RBFOX1: variants seen among roughly 807,000 people sequenced by gnomAD.
RBFOX1 encodes RNA binding protein fox-1 homolog 1.
In RBFOX1, 8 loss-of-function variants were observed where a neutral mutation model predicts 57.7. The observed-to-expected ratio is 0.14, with a 90% CI of 0.08 to 0.25. The LOEUF (loss-of-function observed/expected upper bound fraction) is 0.25. Among genes scored for constraint, RBFOX1 ranks in the 10% least tolerant of loss-of-function variants. The pLI, the probability that RBFOX1 is intolerant of heterozygous loss-of-function variation, is 1.00. For missense variants in RBFOX1, 611 were observed against 548.5 expected, an observed-to-expected ratio of 1.11 and a Z score of -1.14; for synonymous variants, 326 against 222.4, an observed-to-expected ratio of 1.47 and a Z score of -4.15.
chr16:5,865,238 A>T (rs2057318786), intron 3 of RBFOX1, among the ~76,000 whole-genome samples: 1 of 152,182 alleles, frequency 6.6e-6, no homozygotes, highest in African/African-American at 2.4e-5. Context: ...GCAGAGAAAT[A>T]CACACATTCA....
chr16:7,266,231 T>A (rs1326369766), intron 4 of RBFOX1, among the ~76,000 whole-genome samples: 1 of 151,970 alleles, frequency 6.6e-6, no homozygotes, highest in Non-Finnish European at 1.5e-5. Context: ...CGCCTCGGCC[T>A]CCCAAAGTGC....
At chr16:7,013,859 T>G (rs187743985) in intron 3 of RBFOX1, among the ~76,000 whole-genome samples, 1 of 152,240 alleles carries the variant, frequency 6.6e-6, no homozygotes, top group African/African-American at 2.4e-5. Context: ...GGTCTCACCA[T>G]GTTACCCAGG....
At chr16:6,191,479 G>C (rs1307139084) in intron 1 of RBFOX1, among the ~76,000 whole-genome samples, 2 of 152,144 alleles carry the variant, frequency 1.3e-5, no homozygotes, top group Non-Finnish European at 2.9e-5. Context: ...ATCATGATAA[G>C]TGATGTTTAC....
intron 2 of RBFOX1, among the ~76,000 whole-genome samples, chr16:5,582,547 C>CTTT (rs57853959): frequency 1.6e-4 from 15 of 92,854 alleles, no homozygotes; most frequent in African/African-American, 5.5e-4. Context: ...AAGCACGTCA[C>CTTT]TTTTTTTTTT....
chr16:6,678,591 A>T (rs926437269), intron 3 of RBFOX1, among the ~76,000 whole-genome samples: 9 of 150,864 alleles, frequency 6.0e-5, no homozygotes, highest in African/African-American at 2.2e-4. Flanking sequence ...AAGTGTTTCT[A>T]TTTTGACAGC....
chr16:6,859,129 A>ATATGTATATATATATATG (rs1567592071), intron 3 of RBFOX1, among the ~76,000 whole-genome samples: 8 of 75,674 alleles, frequency 1.1e-4, no homozygotes, highest in African/African-American at 4.9e-4. Flanking sequence ...ATATATATAT[A>ATATGTATATATATATATG]CATATATATA....
intron 2 of RBFOX1, among the ~76,000 whole-genome samples, chr16:6,377,803 G>C (rs900141362): frequency 6.6e-6 from 1 of 152,188 alleles, no homozygotes; most frequent in Non-Finnish European, 1.5e-5. Flanking sequence ...CGGTAATGGA[G>C]TGGTAGGCCA....
intron 4 of RBFOX1, among the ~76,000 whole-genome samples, chr16:7,503,574 A>G (rs1266390332): frequency 6.6e-6 from 1 of 152,122 alleles, no homozygotes; most frequent in Non-Finnish European, 1.5e-5. Context: ...CTTGAATGTG[A>G]ATTTGACACT....
chr16:5,811,296 G>A (rs1335143158), intron 3 of RBFOX1, among the ~76,000 whole-genome samples: 1 of 151,684 alleles, frequency 6.6e-6, no homozygotes, highest in Admixed American at 6.6e-5. Context: ...ATCATGCCCA[G>A]CTAATTTTTA....
chr16:5,944,772 G>A (rs1414431939), intron 4 of RBFOX1, among the ~76,000 whole-genome samples: 2 of 60,600 alleles, frequency 3.3e-5, no homozygotes, highest in Non-Finnish European at 7.0e-5. Context: ...GGCCAACTTG[G>A]TGAAACCCTG....
chr16:5,474,668 A>G (rs1032181855), intron 2 of RBFOX1, among the ~76,000 whole-genome samples: 42 of 152,184 alleles, frequency 2.8e-4, no homozygotes, highest in African/African-American at 1.0e-3. Context: ...AAAAAAAAAA[A>G]TACTCCCGGA....
chr16:6,939,195 AATTT>A (rs1449049997), intron 3 of RBFOX1, among the ~76,000 whole-genome samples: 4 of 152,208 alleles, frequency 2.6e-5, no homozygotes. Context: ...AGAGAAAAAT[AATTT>A]ATTAGGTTTT....
chr16:5,523,824 A>G (rs1282617340), intron 2 of RBFOX1, among the ~76,000 whole-genome samples: 1 of 152,108 alleles, frequency 6.6e-6, no homozygotes, highest in Non-Finnish European at 1.5e-5. Flanking sequence ...GTAGGAAGAG[A>G]ACAAGCCGCA....
chr16:7,179,725 C>T (rs1431190609), intron 4 of RBFOX1, among the ~76,000 whole-genome samples: 2 of 151,274 alleles, frequency 1.3e-5, no homozygotes, highest in African/African-American at 4.8e-5. Flanking sequence ...AATTCACCAT[C>T]TTCCCAGATT....
At chr16:6,079,270 C>T (rs561420505) in intron 1 of RBFOX1, among the ~76,000 whole-genome samples, 2 of 152,292 alleles carry the variant, frequency 1.3e-5, no homozygotes, top group South Asian at 4.1e-4. Context: ...TGTGCCACTG[C>T]ACTGCAGCCT....
At chr16:5,369,051 G>A (rs892805884) in intron 1 of RBFOX1, among the ~76,000 whole-genome samples, 4 of 152,206 alleles carry the variant, frequency 2.6e-5, no homozygotes, top group African/African-American at 9.6e-5. Flanking sequence ...GCCCAGGCTG[G>A]AGTGCAGTGG....
At chr16:6,420,635 C>A (rs532661343) in intron 2 of RBFOX1, among the ~76,000 whole-genome samples, 10 of 152,180 alleles carry the variant, frequency 6.6e-5, no homozygotes, top group African/African-American at 2.4e-4. Flanking sequence ...CAGTTCATCA[C>A]GTTTCTCATT....
chr16:5,786,772 A>G (rs927975935), intron 3 of RBFOX1, among the ~76,000 whole-genome samples: 1 of 152,158 alleles, frequency 6.6e-6, no homozygotes, highest in Non-Finnish European at 1.5e-5. Context: ...TCTTAATGAG[A>G]TGACAGTGAG....
intron 3 of RBFOX1, among the ~76,000 whole-genome samples, chr16:6,800,621 A>G (rs745573703): frequency 6.6e-6 from 1 of 151,998 alleles, no homozygotes; most frequent in Admixed American, 6.6e-5. Flanking sequence ...GGATACCAAC[A>G]TTTTTTAATT....
Sources: gnomAD v4.1 joint callset for allele counts (sites outside exome capture counted in the v4.1 genomes callset) on GRCh38, gnomAD v4.1.1 for gene constraint, MANE v1.5 for transcripts, NCBI Gene and HGNC (gene_info 2026-07-23, HGNC 2026-07-21) for gene names.